STAG1: variants seen among roughly 807,000 people sequenced by gnomAD.
The protein encoded by STAG1 is cohesin subunit SA-1.
Under a neutral mutation model 170.9 loss-of-function variants are expected in STAG1, and 26 were observed. That is an observed-to-expected ratio of 0.15 (90% CI 0.11 to 0.21). The LOEUF is 0.21. STAG1 is among the 10% of genes least tolerant of loss of function. The pLI is 1.00. For missense variants in STAG1, 964 were observed against 1,509.5 expected (o/e 0.64, Z 5.99); for synonymous variants, 514 against 497.7 (o/e 1.03, Z -0.44).
At chr3:136,699,415 G>C (rs1452714270) in intron 1 of STAG1, among the ~76,000 whole-genome samples, 1 of 151,706 alleles carries the variant, frequency 6.6e-6, no homozygotes, top group Non-Finnish European at 1.5e-5. Flanking sequence ...TTTAAAGACA[G>C]GGTCTTGCTC....
intron 5 of STAG1, among the ~76,000 whole-genome samples, chr3:136,550,127 A>G (rs1936323283): frequency 6.6e-6 from 1 of 151,868 alleles, no homozygotes; most frequent in Non-Finnish European, 1.5e-5. Context: ...TGGCTTTGGT[A>G]TAAGAGTAAT....
intron 21 of STAG1, among the ~76,000 whole-genome samples, chr3:136,407,084 T>G (rs1023201667): frequency 6.6e-6 from 1 of 152,252 alleles, no homozygotes; most frequent in African/African-American, 2.4e-5. Flanking sequence ...TGGAGCGCAG[T>G]TGCGCAATCT....
At chr3:136,574,369 CAT>C (rs1937377704) in intron 4 of STAG1, among the ~76,000 whole-genome samples, 1 of 152,036 alleles carries the variant, frequency 6.6e-6, no homozygotes, top group Admixed American at 6.5e-5. Flanking sequence ...CACACACGCA[CAT>C]CCTTGTCTTG....
At chr3:136,746,032 A>T (rs1934920430) in intron 1 of STAG1, among the ~76,000 whole-genome samples, 1 of 152,170 alleles carries the variant, frequency 6.6e-6, no homozygotes, top group African/African-American at 2.4e-5. Flanking sequence ...AAACCAACTG[A>T]ATTATAAGAC....
chr3:136,377,649 T>G lies in STAG1; in HGVS notation c.2370+11A>C, dbSNP rs368748611. 15 of 1,605,476 alleles carry G rather than the reference T, an allele frequency of 9.3e-6. No homozygotes were observed. The African/African-American group carries it at 1.6e-4, about 17-fold the overall frequency. On this transcript the variant is annotated intron_variant, in intron 23 of 33. Transcript: ENST00000383202. ...TGATTTTATTGAGAGCTCTTACTGATAATTTCTTACCTGTTCTTTCACTGG... is the reference window on the plus strand; with the variant it reads ...TGATTTTATTGAGAGCTCTTACTGAGAATTTCTTACCTGTTCTTTCACTGG...
At chr3:136,385,920 T>C (rs2086861005) in intron 22 of STAG1, among the ~76,000 whole-genome samples, 1 of 152,206 alleles carries the variant, frequency 6.6e-6, no homozygotes, top group African/African-American at 2.4e-5. Flanking sequence ...CAGGCTGACT[T>C]TGAACTCCTG....
chr3:136,373,315 A>AT (rs1385820200), intron 23 of STAG1, among the ~76,000 whole-genome samples: 1 of 151,944 alleles, frequency 6.6e-6, no homozygotes, highest in Non-Finnish European at 1.5e-5. Flanking sequence ...GGATTCATTG[A>AT]TTTTTTGAAG....
At chr3:136,350,922 CAGAG>C (rs1936411583) in intron 28 of STAG1, among the ~76,000 whole-genome samples, 1 of 152,076 alleles carries the variant, frequency 6.6e-6, no homozygotes, top group South Asian at 2.1e-4. Context: ...CAGAGAAAAC[CAGAG>C]AAAGAGACAG....
At chr3:136,741,980 G>A (rs750542409) in intron 1 of STAG1, among the ~76,000 whole-genome samples, 1 of 152,126 alleles carries the variant, frequency 6.6e-6, no homozygotes, top group Non-Finnish European at 1.5e-5. Context: ...CAATAAAAAG[G>A]TCAATTTGTC....
chr3:136,377,733 C>T lies in STAG1; in HGVS notation c.2297G>A (p.Arg766Lys). Residue 766 changes from arginine (R) to lysine (K), a missense_variant, in exon 23 of 34, where the codon AGG becomes AAG. This residue lies in a region of STAG1 where 232 missense variants were observed against 313.0 expected (regional missense o/e 0.74). Coordinates refer to ENST00000383202, the MANE Select transcript of STAG1 (RefSeq NM_005862.3). ...AGCCAAAAAGGATTTCACCGTTTTCCTCAATACCAACAAATCCTCCTGTAA... is the reference window on the plus strand; with the variant it reads ...AGCCAAAAAGGATTTCACCGTTTTCTTCAATACCAACAAATCCTCCTGTAA... The part of the protein sequence containing the change: ...SPSKEDLLVL[R>K]KTVKSFLAVC... 1 of 1,614,004 alleles carries T rather than the reference C, an allele frequency of 6.2e-7. No individual in the cohort carries two copies. The highest frequency in any genetic ancestry group is 8.5e-7 in the Non-Finnish European group (1 of 1,179,950).
At chr3:136,604,577 T>G in intron 3 of STAG1, 104 bp from the exon 4 acceptor site, 1 of 1,035,246 alleles carries the variant, frequency 9.7e-7, no homozygotes, top group South Asian at 2.2e-5. Flanking sequence ...AAAAGAAACT[T>G]TAAAATTTCT....
intron 7 of STAG1, among the ~76,000 whole-genome samples, chr3:136,514,944 G>A (rs1338186659): frequency 1.3e-5 from 2 of 152,096 alleles, no homozygotes; most frequent in African/African-American, 4.8e-5. Context: ...ATAGCATTAG[G>A]AGAAATACCT....
chr3:136,487,520 T>G (rs1025340552), intron 9 of STAG1, among the ~76,000 whole-genome samples: 4 of 152,202 alleles, frequency 2.6e-5, no homozygotes, highest in Non-Finnish European at 4.4e-5. Context: ...TTTTCCAGAC[T>G]TGCAATTTGA....
intron 25 of STAG1, among the ~76,000 whole-genome samples, 193 bp from the exon 26 acceptor site, chr3:136,363,660 G>A (rs911920559): frequency 6.6e-6 from 1 of 151,776 alleles, no homozygotes; most frequent in East Asian, 1.9e-4. Flanking sequence ...AATAACTAAA[G>A]TTACAGGAAT....
chr3:136,434,768 CTAATT>C (rs2088406582), intron 15 of STAG1, among the ~76,000 whole-genome samples: 1 of 152,096 alleles, frequency 6.6e-6, no homozygotes, highest in Non-Finnish European at 1.5e-5. Context: ...TCATTTTCTT[CTAATT>C]TATTTCATCT....
intron 7 of STAG1, among the ~76,000 whole-genome samples, chr3:136,520,537 C>A (rs749612547): frequency 6.6e-6 from 1 of 151,538 alleles, no homozygotes; most frequent in Non-Finnish European, 1.5e-5. Flanking sequence ...AAAGCAGTGA[C>A]GGAAAAATAG....
intron 22 of STAG1, among the ~76,000 whole-genome samples, chr3:136,393,037 GA>G (rs1191792589): frequency 1.3e-5 from 2 of 152,032 alleles, no homozygotes; most frequent in African/African-American, 4.8e-5. Flanking sequence ...ACTACAGAAA[GA>G]AAAACAAATA....
intron 13 of STAG1, among the ~76,000 whole-genome samples, chr3:136,463,750 T>C (rs1371691622): frequency 4.4e-4 from 36 of 82,026 alleles, no homozygotes; most frequent in Non-Finnish European, 7.4e-4. Context: ...TGTGTGTGTG[T>C]GTGTGTGTGT....
At chr3:136,648,091 C>T (rs1941092718) in intron 1 of STAG1, among the ~76,000 whole-genome samples, 1 of 152,170 alleles carries the variant, frequency 6.6e-6, no homozygotes, top group Non-Finnish European at 1.5e-5. Flanking sequence ...GAGTTGATAA[C>T]TATTGAAGCT....
Sources: allele counts gnomAD v4.1 joint callset (sites outside exome capture counted in the v4.1 genomes callset), GRCh38; gene constraint gnomAD v4.1.1; regional missense constraint gnomAD v4.1.1; transcripts MANE v1.5; gene names NCBI Gene and HGNC (gene_info 2026-07-23, HGNC 2026-07-21).